LIPA: variants seen among roughly 807,000 people sequenced by gnomAD.
LIPA encodes lipase A, lysosomal acid type.
LIPA carries 26 observed loss-of-function variants against 40.6 expected under a neutral mutation model. That is an observed-to-expected ratio of 0.64 (90% confidence interval 0.47 to 0.89). LIPA has a LOEUF of 0.89. LIPA is among the 40% of genes least tolerant of loss of function. The probability of loss-of-function intolerance (pLI) is 0.00; values close to 1 mark genes in which losing one functional copy is unlikely to be tolerated. For synonymous variants in LIPA, 188 were observed against 168.4 expected, an observed-to-expected ratio of 1.12 and a Z score of -0.90; for missense variants, 455 against 479.6, an observed-to-expected ratio of 0.95 and a Z score of 0.48.
In LIPA at chr10:89,319,134, A is replaced by G. The variant is rs558781671; in HGVS notation, c.-2+23477T>C. 2.1e-4 allele frequency among the ~76,000 whole-genome samples: 32 copies of G among 152,336 alleles called. 1 individual carries two copies. The highest frequency in any genetic ancestry group is 7.2e-4 in the African/African-American group (30 of 41,582). ...CAGGAAAGATCTAAAATTGACACCT[A>G]ATATTACAATTAAAAGAACTAGAGA... is the stretch of plus-strand genomic sequence containing the variant. On this transcript the variant is annotated intron_variant, in intron 1 of 5. Coordinates refer to the LIPA transcript ENST00000282673.
chr10:89,341,600 G>A (rs1843871118), intron 1 of LIPA, among the ~76,000 whole-genome samples: 1 of 152,152 alleles, frequency 6.6e-6, no homozygotes, highest in Non-Finnish European at 1.5e-5. Context: ...AGGAATTAAT[G>A]TAATATTTGA....
At chr10:89,365,242 C>T (rs183159037) in intron 2 of LIPA, among the ~76,000 whole-genome samples, 66 of 152,286 alleles carry the variant, frequency 4.3e-4, no homozygotes, top group African/African-American at 1.5e-3. Flanking sequence ...CACTACAGAC[C>T]TCTGTGTAGG....
At chr10:89,258,759 C>T (rs1400241821) in intron 1 of LIPA, among the ~76,000 whole-genome samples, 1 of 152,144 alleles carries the variant, frequency 6.6e-6, no homozygotes, top group Non-Finnish European at 1.5e-5. Context: ...CATGAATGTT[C>T]ATAAGAGCAT....
At position 89,340,051 on chromosome 10, in the gene LIPA, G is replaced by A. The variant is rs763666885; in HGVS notation, c.-2+2560C>T. 2 of 1,614,012 alleles carry A rather than the reference G, an allele frequency of 1.2e-6. No individual in the cohort carries two copies. The highest frequency in any genetic ancestry group is 2.7e-5 in the African/African-American group (2 of 74,926). ...CCTGTCAGCATCTGAGCTTGAGGAT[G>A]GTAGTGAGGAAATGGGCCAGGGCGC... On this transcript the variant is annotated intron_variant, in intron 1 of 5. Coordinates refer to the LIPA transcript ENST00000282673.
chr10:89,320,637 T>C (rs1410774937), intron 1 of LIPA, among the ~76,000 whole-genome samples: 1 of 152,198 alleles, frequency 6.6e-6, no homozygotes, highest in Non-Finnish European at 1.5e-5. Context: ...AAAATGGCCA[T>C]ACTGCCCAAG....
chr10:89,380,647 G>A (rs1844156015), intron 2 of LIPA, among the ~76,000 whole-genome samples: 1 of 152,082 alleles, frequency 6.6e-6, no homozygotes, highest in Non-Finnish European at 1.5e-5. Flanking sequence ...TGCCCATGCT[G>A]GTCGTGAACT....
chr10:89,383,499 A>G, intron 2 of LIPA: 2 of 1,614,210 alleles, frequency 1.2e-6, no homozygotes, highest in Non-Finnish European at 8.5e-7. Context: ...CCTATGTGAA[A>G]CACCTGAAAG....
upstream of LIPA, chr10:89,414,672 C>T (rs373846456): frequency 1.1e-5 from 12 of 1,117,678 alleles, no homozygotes; most frequent in African/African-American, 2.0e-4. Flanking sequence ...AGTCCAGGGG[C>T]TGCAGAGGCC....
chr10:89,283,740 T>C (rs2133499830), intron 1 of LIPA: 1 of 152,332 alleles, frequency 6.6e-6, no homozygotes, highest in Non-Finnish European at 1.5e-5. Flanking sequence ...CATTTCATAT[T>C]TGCAAGTACA....
chr10:89,350,595 G>A (rs1399217293), intron 2 of LIPA, among the ~76,000 whole-genome samples: 1 of 151,892 alleles, frequency 6.6e-6, no homozygotes, highest in South Asian at 2.1e-4. Context: ...GTGAGCCACC[G>A]TGCCTGGCCT....
At chr10:89,247,215 A>C (rs1408424301) in intron 2 of LIPA, among the ~76,000 whole-genome samples, 1 of 151,230 alleles carries the variant, frequency 6.6e-6, no homozygotes, top group African/African-American at 2.4e-5. Flanking sequence ...TACTAAATAC[A>C]AAAAAAATTA....
intron 2 of LIPA, chr10:89,384,502 A>G: frequency 6.2e-7 from 1 of 1,614,082 alleles, no homozygotes; most frequent in South Asian, 1.1e-5. Context: ...ATCTCAAGAT[A>G]AAGCAATTAC....
At chr10:89,298,333 A>G (rs1337431072) in intron 1 of LIPA, among the ~76,000 whole-genome samples, 1 of 152,226 alleles carries the variant, frequency 6.6e-6, no homozygotes. Flanking sequence ...CCACATGGCA[A>G]CCCTGTTCCC....
Position 89,393,350 on chromosome 10 carries a change from T to C in LIPA, c.61+19441A>G, listed in dbSNP as rs905059056. The C allele has an allele frequency of 3.3e-6, 4 of 1,221,670 alleles. No individual in the cohort carries two copies. In the African/African-American group the frequency reaches 6.3e-5, roughly 19 times the overall value. 75.7% of individuals were successfully genotyped at this position (1,221,670 alleles called of 1,614,324 possible). On this transcript the variant is annotated intron_variant, in intron 2 of 8. Coordinates refer to the LIPA transcript ENST00000371837. ...GAAAATCTAGGCTCTTGGTACGTCC[T>C]TGACTGAAGATGATCCACATCTGCT... is the stretch of plus-strand genomic sequence containing the variant.
chr10:89,373,076 G>C lies in LIPA; in HGVS notation c.61+39715C>G, dbSNP rs182727963. ...GGGCCGGACGCGGTGGCTCACGCCT[G>C]TAATCCCAGCACTTTGGGAGGCAGA... On this transcript the variant is annotated intron_variant, in intron 2 of 8. Transcript: ENST00000371837. 1.8e-4 allele frequency among the ~76,000 whole-genome samples: 27 copies of C among 151,654 alleles called. No individual in the cohort carries two copies. In the South Asian group the frequency reaches 4.6e-3, roughly 26 times the overall value.
Position 89,318,769 on chromosome 10 carries a change from A to C in LIPA, c.-2+23842T>G, listed in dbSNP as rs539061921. ...AATCAACAGAATATACATTCTTCTC[A>C]GCACCACATTGCACTTATTCCAAAA... On this transcript the variant is annotated intron_variant, in intron 1 of 5. Transcript: ENST00000282673. 1.6e-4 allele frequency among the ~76,000 whole-genome samples: 24 copies of C among 152,378 alleles called. No individual in the cohort carries two copies. In the South Asian group the frequency reaches 2.1e-3, roughly 13 times the overall value.
chr10:89,342,118 G>A (rs969691014), intron 1 of LIPA, among the ~76,000 whole-genome samples: 1 of 152,038 alleles, frequency 6.6e-6, no homozygotes, highest in African/African-American at 2.4e-5. Flanking sequence ...AGGCTAATGG[G>A]GGGTAACTGC....
intron 2 of LIPA, chr10:89,403,708 C>A (rs768096763): frequency 1.3e-6 from 2 of 1,536,492 alleles, no homozygotes; most frequent in African/African-American, 2.8e-5. Context: ...AGACAAGGTC[C>A]TTAGGCACCC....
At chr10:89,277,344 A>G (rs1843293648) in intron 1 of LIPA, among the ~76,000 whole-genome samples, 1 of 152,272 alleles carries the variant, frequency 6.6e-6, no homozygotes, top group Non-Finnish European at 1.5e-5. Context: ...AAAAGCAGAT[A>G]ATCACAATAT....
Sources: allele counts gnomAD v4.1 joint callset (sites outside exome capture counted in the v4.1 genomes callset), GRCh38; gene constraint gnomAD v4.1.1; transcripts MANE v1.5; gene names NCBI Gene and HGNC (gene_info 2026-07-23, HGNC 2026-07-21).